Variants in CCNB3 observed in about 807,000 individuals in gnomAD.
CCNB3 encodes cyclin B3, also known as G2/mitotic-specific cyclin-B3.
Under a neutral mutation model 68.0 loss-of-function variants are expected in CCNB3, and 12 were observed. That is an observed-to-expected ratio of 0.18 (90% CI 0.11 to 0.29). The LOEUF (loss-of-function observed/expected upper bound fraction) is 0.29. Among genes scored for constraint, CCNB3 ranks in the 10% least tolerant of loss-of-function variants. CCNB3 has a pLI of 1.00. For missense variants in CCNB3, 904 were observed against 993.1 expected (o/e 0.91, Z 1.21); for synonymous variants, 354 against 388.9 (o/e 0.91, Z 1.06).
chrX:50,331,690 A>G (rs1922603592), intron 8 of CCNB3, among the ~76,000 whole-genome samples: 1 of 111,585 alleles, frequency 9.0e-6, no homozygotes, highest in Admixed American at 9.5e-5. Context: ...TGCAAAAACA[A>G]ATTTCTTGTT....
chrX:50,336,506 TCTC>T (rs1718033009), intron 8 of CCNB3, among the ~76,000 whole-genome samples: 1 of 112,117 alleles, frequency 8.9e-6, no homozygotes, highest in South Asian at 3.8e-4. Flanking sequence ...TCTGCAATTT[TCTC>T]CTGATATCTT....
chrX:50,215,292 T>C (rs1935555006), intron 1 of CCNB3, among the ~76,000 whole-genome samples: 1 of 111,502 alleles, frequency 9.0e-6, no homozygotes, highest in African/African-American at 3.3e-5. Flanking sequence ...CCTGGCCCTG[T>C]TGTTCTGTTA....
chrX:50,297,251 T>G (rs1295579116), intron 5 of CCNB3, among the ~76,000 whole-genome samples: 1 of 112,057 alleles, frequency 8.9e-6, no homozygotes, highest in Non-Finnish European at 1.9e-5. Flanking sequence ...TCTAGGGTTT[T>G]TATGGTTTTA....
At chrX:50,344,664 TA>T (rs1237518179) in intron 9 of CCNB3, among the ~76,000 whole-genome samples, 3 of 111,842 alleles carry the variant, frequency 2.7e-5, no homozygotes, top group African/African-American at 9.8e-5. Context: ...TCAATCTGCT[TA>T]TATAACAAAG....
intron 1 of CCNB3, among the ~76,000 whole-genome samples, chrX:50,282,334 T>C (rs1936152882): frequency 9.0e-6 from 1 of 111,437 alleles, no homozygotes; most frequent in Non-Finnish European, 1.9e-5. Context: ...GACACAATGC[T>C]GTGTTCTCTC....
intron 3 of CCNB3, among the ~76,000 whole-genome samples, chrX:50,287,176 C>T (rs2147024734): frequency 1.8e-5 from 2 of 111,339 alleles, no homozygotes; most frequent in East Asian, 5.7e-4. Context: ...AGATTTTTAC[C>T]ACATAAAGTT....
chrX:50,302,991 C>G lies in CCNB3; in HGVS notation c.336-5514C>G, dbSNP rs1303704582. On this transcript the variant is annotated intron_variant, in intron 5 of 12. Transcript: ENST00000376042. ...GTGTATATACTTAGGAGTGTGGTTG[C>G]TGGGTCATATGGTAATTCTGTGCTC... 2.7e-5 allele frequency among the ~76,000 whole-genome samples: 3 copies of G among 110,952 alleles called. No homozygotes were observed. In the East Asian group the frequency reaches 8.5e-4, roughly 32 times the overall value.
At chrX:50,307,855 TTC>T (rs1395766095) in intron 5 of CCNB3, among the ~76,000 whole-genome samples, 1 of 112,033 alleles carries the variant, frequency 8.9e-6, no homozygotes, top group Non-Finnish European at 1.9e-5. Context: ...CTGCCTGAAA[TTC>T]TCTCTCTTCT....
At chrX:50,306,937 G>A (rs1557213650) in intron 5 of CCNB3, among the ~76,000 whole-genome samples, 2 of 111,640 alleles carry the variant, frequency 1.8e-5, no homozygotes, top group African/African-American at 6.5e-5. Flanking sequence ...TTCTAGTGGT[G>A]TCTGTCTGTT....
intron 8 of CCNB3, among the ~76,000 whole-genome samples, chrX:50,327,756 C>A (rs1353836354): frequency 8.9e-6 from 1 of 111,888 alleles, no homozygotes; most frequent in Non-Finnish European, 1.9e-5. Context: ...TTCCTTTAGA[C>A]AGTGTGATAG....
At chrX:50,298,448 A>T (rs1936531896) in intron 5 of CCNB3, among the ~76,000 whole-genome samples, 2 of 111,908 alleles carry the variant, frequency 1.8e-5, no homozygotes, top group East Asian at 5.6e-4. Context: ...TGATTTTCAT[A>T]TGTTGAACCA....
At chrX:50,226,307 A>ATATATATATATAT (rs1935792067) in intron 1 of CCNB3, among the ~76,000 whole-genome samples, 1 of 27,900 alleles carries the variant, frequency 3.6e-5, no homozygotes, top group Non-Finnish European at 7.5e-5. Flanking sequence ...TATATATAGA[A>ATATATATATATAT]ATATATAAAC....
chrX:50,300,970 G>T (rs1374673154), intron 5 of CCNB3, among the ~76,000 whole-genome samples: 1 of 111,438 alleles, frequency 9.0e-6, no homozygotes, highest in Non-Finnish European at 1.9e-5. Context: ...TCGTGCCATG[G>T]TTTTCAGCTC....
At position 50,310,500 on chromosome X, in the gene CCNB3, C is replaced by T. The variant is rs555037561; in HGVS notation, c.2331C>T (p.Phe777=). 324 of 1,208,422 alleles carry T rather than the reference C, an allele frequency of 2.7e-4. 3 individuals carry two copies. In the South Asian group the frequency reaches 5.5e-3, roughly 20 times the overall value. Residue 777 remains phenylalanine, a synonymous_variant, in exon 6 of 13, where the codon TTC becomes TTT. Transcript: ENST00000376042. ...ALNETINEEE[F]LNKQPLALEG... Reference sequence around the variant, plus strand: ...ATGAGACCATCAATGAAGAGGAGTTCCTTAATAAGCAGCCACTGGCCTTGG... The same window carrying T: ...ATGAGACCATCAATGAAGAGGAGTTTCTTAATAAGCAGCCACTGGCCTTGG...
intron 1 of CCNB3, among the ~76,000 whole-genome samples, chrX:50,279,950 T>A (rs1466478080): frequency 1.2e-5 from 1 of 84,623 alleles, no homozygotes; most frequent in African/African-American, 4.6e-5. Flanking sequence ...ATAATATATA[T>A]AGAATATATG....
At chrX:50,327,730 T>A (rs1922367312) in intron 8 of CCNB3, among the ~76,000 whole-genome samples, 1 of 112,104 alleles carries the variant, frequency 8.9e-6, no homozygotes, top group African/African-American at 3.2e-5. Context: ...GCTCGTCCCA[T>A]CCCTTTCTCT....
rs1351595652 is a variant in CCNB3 at position 50,279,093 on chromosome X, A to T, written c.-112-5449A>T. Among the ~76,000 whole-genome samples the T allele has an allele frequency of 1.3e-4, 8 of 59,729 alleles. No individual in the cohort carries two copies. The East Asian group carries it at 4.0e-3, about 30-fold the overall frequency. 51.9% of individuals were successfully genotyped at this position (59,729 alleles called of 115,157 possible). ...TATAGAACATATATAAATATATATT[A>T]ATATATATTCCATATATAAATATAT... On this transcript the variant is annotated intron_variant, in intron 1 of 12. Coordinates refer to ENST00000376042, the MANE Select transcript of CCNB3 (RefSeq NM_033031.3).
intron 5 of CCNB3, among the ~76,000 whole-genome samples, chrX:50,300,394 G>A (rs1936599715): frequency 9.0e-6 from 1 of 111,177 alleles, no homozygotes; most frequent in Non-Finnish European, 1.9e-5. Context: ...TGCTTATGAA[G>A]CTTAGTTTGG....
chrX:50,331,404 G>A (rs1412378897), intron 8 of CCNB3, among the ~76,000 whole-genome samples: 1 of 111,962 alleles, frequency 8.9e-6, no homozygotes, highest in East Asian at 2.8e-4. Flanking sequence ...GACTGTTTTT[G>A]TGGTACCATT....
Sources: gnomAD v4.1 joint callset for allele counts (sites outside exome capture counted in the v4.1 genomes callset) on GRCh38, gnomAD v4.1.1 for gene constraint, MANE v1.5 for transcripts, NCBI Gene and HGNC (gene_info 2026-07-23, HGNC 2026-07-21) for gene names.